The following PIK3R3 variants were observed in gnomAD, a reference collection of about 807,000 sequenced individuals.
PIK3R3 encodes the protein phosphoinositide-3-kinase regulatory subunit 3.
Under a neutral mutation model 62.9 loss-of-function variants are expected in PIK3R3, and 64 were observed. The ratio of observed to expected loss-of-function variants is 1.02; its 90% CI spans 0.83 to 1.25. The LOEUF (loss-of-function observed/expected upper bound fraction) is 1.25, where lower values mean the gene tolerates loss of function less well. PIK3R3 is among the 50% of genes most tolerant of loss of function. PIK3R3 has a pLI of 0.00. For synonymous variants in PIK3R3, 165 were observed against 189.0 expected, an observed-to-expected ratio of 0.87 and a Z score of 1.04; for missense variants, 614 against 561.6, an observed-to-expected ratio of 1.09 and a Z score of -0.94.
At chr1:46,081,160 G>A (rs1366654005) in intron 1 of PIK3R3, among the ~76,000 whole-genome samples, 1 of 152,110 alleles carries the variant, frequency 6.6e-6, no homozygotes, top group Non-Finnish European at 1.5e-5. Context: ...CCAAAAAAAA[G>A]GGTAACTATG....
chr1:46,140,760 C>A, the PIK3R3 span, among the ~76,000 whole-genome samples: 1 of 152,308 alleles, frequency 6.6e-6, no homozygotes, highest in Middle Eastern at 3.4e-3. Flanking sequence ...AGAAACCAAC[C>A]CTGCCAACAC....
At chr1:46,168,646 G>C in the PIK3R3 span, among the ~76,000 whole-genome samples, 2 of 152,174 alleles carry the variant, frequency 1.3e-5, no homozygotes, top group Non-Finnish European at 2.9e-5. Flanking sequence ...ACCTCCCTTG[G>C]ATCAGTTAAC....
chr1:46,084,074 G>T (rs1026162547), intron 1 of PIK3R3, among the ~76,000 whole-genome samples: 1 of 152,124 alleles, frequency 6.6e-6, no homozygotes, highest in Admixed American at 6.6e-5. Context: ...CCATACAATA[G>T]ATTATTCAGC....
intron 1 of PIK3R3, among the ~76,000 whole-genome samples, chr1:46,091,072 T>C (rs1239233315): frequency 2.0e-5 from 3 of 151,870 alleles, no homozygotes; most frequent in African/African-American, 7.3e-5. Context: ...TCAAGTCATC[T>C]TCTCGCCTCA....
At chr1:46,049,213 G>A (rs942135738) in intron 7 of PIK3R3, among the ~76,000 whole-genome samples, 4 of 151,186 alleles carry the variant, frequency 2.6e-5, no homozygotes, top group African/African-American at 9.7e-5. Context: ...AAAAATAGCT[G>A]GTGTTAGCAT....
chr1:46,118,283 TACA>T (rs564716609), intron 1 of PIK3R3, among the ~76,000 whole-genome samples: 47 of 151,022 alleles, frequency 3.1e-4, no homozygotes, highest in Middle Eastern at 3.4e-3. Flanking sequence ...AACCACTTTT[TACA>T]ACCTCACAGC....
At chr1:46,146,221 C>G in the PIK3R3 span, among the ~76,000 whole-genome samples, 5 of 152,298 alleles carry the variant, frequency 3.3e-5, no homozygotes, top group East Asian at 9.6e-4. Context: ...CCAAAGATCC[C>G]AGAGTAGTAC....
rs574893159 is a variant in PIK3R3 at position 46,040,140 on chromosome 1, T to C, written c.*3533A>G. On this transcript the variant is annotated 3_prime_UTR_variant, in exon 10 of 10. Coordinates refer to ENST00000262741, the MANE Select transcript of PIK3R3 (RefSeq NM_003629.4). ...CCCTTCATAGCATGAAGACAAAAAA[T>C]TACTTTATTGCAATGTCTTTATTGC... The C allele has an allele frequency of 6.5e-6, 1 of 152,764 alleles. No individual in the cohort carries two copies. 9.5% of individuals were successfully genotyped at this position (152,764 alleles called of 1,614,324 possible). A position where few individuals can be genotyped will look rare whatever the true frequency, so the allele number is the denominator to read the frequency against.
intron 1 of PIK3R3, chr1:46,105,178 A>G: frequency 9.8e-6 from 6 of 609,698 alleles, no homozygotes; most frequent in Non-Finnish European, 1.8e-5. Context: ...ATCAGTAATC[A>G]TCCCAGCTGG....
chr1:46,162,043 G>A, the PIK3R3 span, among the ~76,000 whole-genome samples: 1 of 147,608 alleles, frequency 6.8e-6, no homozygotes, highest in Non-Finnish European at 1.5e-5. Context: ...AGTGAGCCGA[G>A]ATCGCGCCAC....
chr1:46,075,775 G>A (rs1247514147), intron 3 of PIK3R3, among the ~76,000 whole-genome samples: 1 of 152,196 alleles, frequency 6.6e-6, no homozygotes, highest in Admixed American at 6.5e-5. Context: ...TATGGAGGCT[G>A]AGAAGTCCCA....
rs1003247647 is a variant in PIK3R3 at position 46,066,536 on chromosome 1, T to C, written c.496-357A>G. 2.0e-5 allele frequency among the ~76,000 whole-genome samples: 3 copies of C among 152,324 alleles called. No homozygotes were observed. The East Asian group carries it at 5.8e-4, about 29-fold the overall frequency. On this transcript the variant is annotated intron_variant, in intron 4 of 9. Transcript: ENST00000262741. ...CCAAAAATATCTAAAATCTTAAGTA[T>C]GCACTAGGCGCAATGACTCATGCCT...
Position 46,111,282 on chromosome 1 carries a change from T to C in PIK3R3, c.106+20565A>G, listed in dbSNP as rs536292990. 5.9e-5 allele frequency among the ~76,000 whole-genome samples: 9 copies of C among 152,268 alleles called. No homozygotes were observed. The South Asian group carries it at 1.7e-3, about 28-fold the overall frequency. ...TATATGACAACCATTCAATGTCACA[T>C]AGTTGGTAAGCAGACCAAATTCAAA... On this transcript the variant is annotated intron_variant, in intron 1 of 9. Coordinates refer to ENST00000262741, the MANE Select transcript of PIK3R3 (RefSeq NM_003629.4).
chr1:46,115,072 A>T (rs1571538915), intron 1 of PIK3R3, among the ~76,000 whole-genome samples: 4 of 152,120 alleles, frequency 2.6e-5, no homozygotes, highest in Non-Finnish European at 4.4e-5. Context: ...TTTGCACTGT[A>T]TTTGTAGGAA....
rs903537762 is a variant in PIK3R3 at position 46,132,520 on chromosome 1, C to A, written c.-568G>T. The A allele has an allele frequency of 9.7e-6, 12 of 1,234,418 alleles. No homozygotes were observed. In the African/African-American group the frequency reaches 1.7e-4, roughly 18 times the overall value. The allele number at this position is 1,234,418 out of a possible 1,614,324, so 76.5% of individuals were successfully genotyped here. On this transcript the variant is annotated 5_prime_UTR_variant, in exon 1 of 10. Coordinates refer to ENST00000262741, the MANE Select transcript of PIK3R3 (RefSeq NM_003629.4). ...GGTCTCGGAACCGAAGCTGCCGCAGCCTCGGGAATGGGGCCGGCCGGAGAA... is the reference window on the plus strand; with the variant it reads ...GGTCTCGGAACCGAAGCTGCCGCAGACTCGGGAATGGGGCCGGCCGGAGAA...
At chr1:46,045,644 T>TC (rs1553142544) in intron 9 of PIK3R3, among the ~76,000 whole-genome samples, 2 of 82,596 alleles carry the variant, frequency 2.4e-5, no homozygotes, top group African/African-American at 9.4e-5. Context: ...TTTTTTTTTT[T>TC]CAATTTAAGA....
intron 9 of PIK3R3, among the ~76,000 whole-genome samples, chr1:46,045,591 A>G (rs1647087521): frequency 7.2e-6 from 1 of 138,876 alleles, no homozygotes. Flanking sequence ...TACTAGACAT[A>G]TAGGATACTA....
chr1:46,126,020 A>G (rs540248989), intron 1 of PIK3R3, among the ~76,000 whole-genome samples: 2 of 151,492 alleles, frequency 1.3e-5, no homozygotes, highest in South Asian at 2.2e-4. Context: ...TCGGCCTCCC[A>G]AAGTGCTGGG....
chr1:46,075,941 C>T (rs1264060559), intron 3 of PIK3R3, among the ~76,000 whole-genome samples: 1 of 152,174 alleles, frequency 6.6e-6, no homozygotes, highest in African/African-American at 2.4e-5. Context: ...GTCCTGGAGT[C>T]CAAAGGCTGG....
Sources: gnomAD v4.1 joint callset for allele counts (sites outside exome capture counted in the v4.1 genomes callset) on GRCh38, gnomAD v4.1.1 for gene constraint, MANE v1.5 for transcripts, NCBI Gene and HGNC (gene_info 2026-07-23, HGNC 2026-07-21) for gene names.